The following GPATCH2L variants were observed in gnomAD, a reference collection of about 807,000 sequenced individuals.
The protein encoded by GPATCH2L is G patch domain-containing protein 2-like.
A neutral mutation model predicts 57.4 loss-of-function variants in GPATCH2L; 31 were observed. The observed-to-expected ratio is 0.54, with a 90% CI of 0.41 to 0.73. The LOEUF is 0.73. GPATCH2L is among the 30% of genes least tolerant of loss of function. GPATCH2L has a pLI of 0.00. For synonymous variants in GPATCH2L, 199 were observed against 210.7 expected, an observed-to-expected ratio of 0.94 and a Z score of 0.48; for missense variants, 481 against 599.9, an observed-to-expected ratio of 0.80 and a Z score of 2.07.
At chr14:76,153,841 T>C (rs2038168485) in intron 1 of GPATCH2L, 1 of 152,360 alleles carries the variant, frequency 6.6e-6, no homozygotes, top group Non-Finnish European at 1.5e-5. Flanking sequence ...TTGTCAGCAG[T>C]GACCCCAGGC....
At chr14:76,218,681 AAAG>A (rs2040500122), downstream of GPATCH2L, among the ~76,000 whole-genome samples, 2 of 152,044 alleles carry the variant, frequency 1.3e-5, no homozygotes, top group Non-Finnish European at 2.9e-5. Context: ...CATATTAAAA[AAAG>A]ATAGAGGGAG....
intron 1 of GPATCH2L, among the ~76,000 whole-genome samples, chr14:76,225,773 CAG>C (rs1377954085): frequency 2.0e-5 from 3 of 152,110 alleles, no homozygotes; most frequent in Non-Finnish European, 4.4e-5. Context: ...TGAAAACAAA[CAG>C]ATGATCCAAT....
intron 1 of GPATCH2L, among the ~76,000 whole-genome samples, chr14:76,220,191 G>A (rs978520060): frequency 1.3e-5 from 2 of 152,166 alleles, no homozygotes; most frequent in Non-Finnish European, 2.9e-5. Flanking sequence ...ATACCAGGAG[G>A]TTGGTCATTT....
At position 76,208,296 on chromosome 14, in the gene GPATCH2L, TG is replaced by T. The variant is rs1215720627; in HGVS notation, c.*6446del. 6.6e-6 allele frequency: 1 copy of T among 152,110 alleles called. No individual in the cohort carries two copies. The highest frequency in any genetic ancestry group is 1.5e-5 in the Non-Finnish European group (1 of 68,026). 9.4% of individuals were successfully genotyped at this position (152,110 alleles called of 1,614,324 possible). A position where few individuals can be genotyped will look rare whatever the true frequency, so the allele number is the denominator to read the frequency against. On this transcript the variant is annotated 3_prime_UTR_variant, in exon 10 of 10. Coordinates refer to ENST00000261530, the MANE Select transcript of GPATCH2L (RefSeq NM_017926.4). The stretch of plus-strand genomic sequence containing the variant: ...CTTCGTGACTTTGACTCAAAATCAA[TG>T]CATTTCATTATGTATGGGTCCTACA...
chr14:76,177,804 T>C, intron 6 of GPATCH2L, 184 bp from the exon 7 acceptor site: 1 of 784,434 alleles, frequency 1.3e-6, no homozygotes. Context: ...ACTTAATTAT[T>C]CCAACATCTT....
At chr14:76,169,071 GT>G (rs1351796789) in intron 3 of GPATCH2L, among the ~76,000 whole-genome samples, 1 of 152,174 alleles carries the variant, frequency 6.6e-6, no homozygotes, top group African/African-American at 2.4e-5. Context: ...CTATCCCCTT[GT>G]GGGGTTCCTT....
intron 1 of GPATCH2L, among the ~76,000 whole-genome samples, chr14:76,228,956 G>GA (rs2139875035): frequency 6.6e-6 from 1 of 152,342 alleles, no homozygotes; most frequent in South Asian, 2.1e-4. Flanking sequence ...GCTGTGTCCT[G>GA]AAAATAAGAG....
chr14:76,154,376 G>C lies in GPATCH2L; in HGVS notation c.13G>C (p.Val5Leu), dbSNP rs774100502. ...CAGATGTGGCCTCATGGATGAGCTG[G>C]TACACGACTTAGCCTCAGCCTTGGA... MDEL[V>L]HDLASALEQT... is the part of the protein sequence containing the mutation. The change falls in exon 2 of 10, where the codon GTA (valine) becomes CTA (leucine). Residue 5 changes from valine (V) to leucine (L), a missense_variant. Val to Leu is a conservative substitution (Grantham distance 32, BLOSUM62 1). This residue lies in a region of GPATCH2L where 208 missense variants were observed against 272.4 expected (regional missense o/e 0.76). Transcript: ENST00000261530. The surrounding 1 kb of genome is among the most constrained non-coding windows in gnomAD (Gnocchi z 4.4). The C allele has an allele frequency of 6.3e-7, 1 of 1,595,814 alleles. No individual in the cohort carries two copies. Among genetic ancestry groups the C allele is most frequent in the Non-Finnish European group, 8.6e-7 (1 of 1,165,112 alleles).
rs2040433550 is a variant in GPATCH2L at position 76,210,945 on chromosome 14, G to C, written c.*9094G>C. On this transcript the variant is annotated 3_prime_UTR_variant, in exon 10 of 10. Coordinates refer to ENST00000261530, the MANE Select transcript of GPATCH2L (RefSeq NM_017926.4). Reference sequence around the variant, plus strand: ...GCTCTCATGATGTTCATGGTCTTCTGCGGAAGAGACCAGAAAAAAAGTATT... The same window carrying C: ...GCTCTCATGATGTTCATGGTCTTCTCCGGAAGAGACCAGAAAAAAAGTATT... 1 of 152,160 alleles carries C rather than the reference G, an allele frequency of 6.6e-6. No individual in the cohort carries two copies. The highest frequency in any genetic ancestry group is 1.5e-5 in the Non-Finnish European group (1 of 68,038). The allele number at this position is 152,160 out of a possible 1,614,324, so 9.4% of individuals were successfully genotyped here.
At chr14:76,165,692 A>C (rs1419863402) in intron 2 of GPATCH2L, among the ~76,000 whole-genome samples, 1 of 152,166 alleles carries the variant, frequency 6.6e-6, no homozygotes, top group Non-Finnish European at 1.5e-5. Flanking sequence ...TTGCTCCTTA[A>C]TTTAATTGGC....
rs1409795363 is a variant in GPATCH2L at position 76,211,813 on chromosome 14, T to C, written c.*9962T>C. 6.6e-6 allele frequency: 1 copy of C among 152,208 alleles called. No individual in the cohort carries two copies. The highest frequency in any genetic ancestry group is 2.4e-5 in the African/African-American group (1 of 41,454). The allele number at this position is 152,208 out of a possible 1,614,324, so 9.4% of individuals were successfully genotyped here. On this transcript the variant is annotated 3_prime_UTR_variant, in exon 10 of 10. Transcript: ENST00000261530. ...GATCCCATGATTTTGGTCTCATTAA[T>C]ACCGTGCTATAAATAAAGTTAGCTA...
intron 1 of GPATCH2L, among the ~76,000 whole-genome samples, chr14:76,223,291 G>C (rs1210922743): frequency 2.0e-5 from 3 of 152,176 alleles, no homozygotes; most frequent in Non-Finnish European, 4.4e-5. Flanking sequence ...AGGAATGCAA[G>C]ATTTTGGCTT....
At chr14:76,226,870 A>G (rs2040538499) in intron 1 of GPATCH2L, among the ~76,000 whole-genome samples, 1 of 152,150 alleles carries the variant, frequency 6.6e-6, no homozygotes, top group African/African-American at 2.4e-5. Context: ...TGTAAAAGAG[A>G]GTGTACACGG....
chr14:76,192,635 T>G lies in GPATCH2L; in HGVS notation c.1194-3243T>G, dbSNP rs376535602. 1.4e-4 allele frequency among the ~76,000 whole-genome samples: 22 copies of G among 152,244 alleles called. No individual in the cohort carries two copies. The East Asian group carries it at 2.3e-3, about 16-fold the overall frequency. ...GCTATAAGATCCATCAAGGCAGAGA[T>G]TGTCTCTTGTTTATCACTATATCCC... is the stretch of plus-strand genomic sequence containing the variant. On this transcript the variant is annotated intron_variant, in intron 8 of 9. Transcript: ENST00000261530.
At chr14:76,193,157 T>C (rs2040036983) in intron 8 of GPATCH2L, among the ~76,000 whole-genome samples, 1 of 152,124 alleles carries the variant, frequency 6.6e-6, no homozygotes, top group Non-Finnish European at 1.5e-5. Context: ...TTTGCTAAAG[T>C]AAATAAGCAT....
At position 76,202,801 on chromosome 14, in the gene GPATCH2L, T is replaced by C. The variant is rs2040331716; in HGVS notation, c.*950T>C. The C allele has an allele frequency of 1.3e-5, 2 of 152,622 alleles. No individual in the cohort carries two copies. Among genetic ancestry groups the C allele is most frequent in the Non-Finnish European group, 2.9e-5 (2 of 68,046 alleles). The allele number at this position is 152,622 out of a possible 1,614,324, so 9.5% of individuals were successfully genotyped here. On this transcript the variant is annotated 3_prime_UTR_variant, in exon 10 of 10. Transcript: ENST00000261530. ...TTGACATGCCTTTATACTTGGCGTG[T>C]TTATGATGGCTCAGCTGCATGTGGA... is the stretch of plus-strand genomic sequence containing the variant.
At chr14:76,158,910 G>C (rs191532295) in intron 2 of GPATCH2L, among the ~76,000 whole-genome samples, 2 of 152,060 alleles carry the variant, frequency 1.3e-5, no homozygotes, top group Non-Finnish European at 2.9e-5. Context: ...CATCCATCTC[G>C]TAAAAGAGTC....
intron 1 of GPATCH2L, among the ~76,000 whole-genome samples, chr14:76,223,025 A>C (rs2040522656): frequency 6.6e-6 from 1 of 152,116 alleles, no homozygotes; most frequent in Admixed American, 6.5e-5. Context: ...AAAAATCCCC[A>C]GTCCAGATTT....
chr14:76,158,685 C>T (rs2139566748), intron 2 of GPATCH2L, among the ~76,000 whole-genome samples: 1 of 152,258 alleles, frequency 6.6e-6, no homozygotes, highest in Non-Finnish European at 1.5e-5. Flanking sequence ...TGGGGGTGTT[C>T]TGTTTTCTAT....
Sources: allele counts gnomAD v4.1 joint callset (sites outside exome capture counted in the v4.1 genomes callset), GRCh38; gene constraint gnomAD v4.1.1; regional missense constraint gnomAD v4.1.1; non-coding constraint Gnocchi (gnomAD v3.1); transcripts MANE v1.5; gene names NCBI Gene and HGNC (gene_info 2026-07-23, HGNC 2026-07-21).